ADAM33: variants seen among roughly 807,000 people sequenced by gnomAD.
ADAM33 encodes the protein ADAM metallopeptidase domain 33.
Under a neutral mutation model 106.2 loss-of-function variants are expected in ADAM33, and 103 were observed. That is an observed-to-expected ratio of 0.97 (90% CI 0.83 to 1.14). The LOEUF is 1.14. Ranked by LOEUF, ADAM33 falls within the 50% of genes most tolerant of loss-of-function variation. ADAM33 has a pLI of 0.00. For missense variants in ADAM33, 1,120 were observed against 1,096.6 expected, an observed-to-expected ratio of 1.02 and a Z score of -0.30; for synonymous variants, 483 against 453.0, an observed-to-expected ratio of 1.07 and a Z score of -0.84.
Position 3,668,741 on chromosome 20 carries a change from GA to G in ADAM33, c.*221del, listed in dbSNP as rs2087342131. The G allele has an allele frequency of 1.7e-6, 1 of 591,150 alleles. No homozygotes were observed. The highest frequency in any genetic ancestry group is 1.9e-5 in the African/African-American group (1 of 53,780). 36.6% of individuals were successfully genotyped at this position (591,150 alleles called of 1,614,324 possible). ...CTGGGACTGATGGTTTATTGAGCTG[GA>G]GAGTGTGCCCAGCAGTGTTCTCCAG... is the stretch of plus-strand genomic sequence containing the variant. On this transcript the variant is annotated 3_prime_UTR_variant, in exon 22 of 22. Coordinates refer to ENST00000356518, the MANE Select transcript of ADAM33 (RefSeq NM_025220.5).
rs147783607 is a variant in ADAM33, at chr20:3,669,610, G to A, written c.2268C>T (p.His756=). ...SGPKDGPHRD[H]PLGGVHPMEL... is the part of the protein sequence containing the mutation. ...CCATGGGGTGAACGCCGCCCAGGGG[G>A]TGGTCCCTGTGTGGGCCATCTTTGG... Residue 756 remains histidine (H), a synonymous_variant, in exon 20 of 22, where the codon CAC becomes CAT. Transcript: ENST00000356518. 6.3e-4 allele frequency: 1,004 copies of A among 1,603,056 alleles called. 1 individual carries two copies. Among genetic ancestry groups the A allele is most frequent in the South Asian group, 8.3e-4 (73 of 88,260 alleles).
chr20:3,672,625 T>G lies in ADAM33; in HGVS notation c.1313A>C (p.Glu438Ala). ...GEECDCGPGQ[E>A]CRDLCCFAHN... is the part of the protein sequence containing the mutation. ...AGCAAAGCAGCAGAGGTCGCGGCAC[T>G]CCTGGGACCAGAAAGGCAAGAAGGG... The change falls in exon 13 of 22, where the codon GAG (glutamate) becomes GCG (alanine). Residue 438 changes from glutamate to alanine, a missense_variant and splice_region_variant. Glu to Ala is a moderately radical substitution (Grantham distance 107). Coordinates refer to ENST00000356518, the MANE Select transcript of ADAM33 (RefSeq NM_025220.5). The G allele has an allele frequency of 6.2e-7, 1 of 1,613,308 alleles. No individual in the cohort carries two copies.
In ADAM33 at chr20:3,675,117, T is replaced by C. The variant is rs1278589101; in HGVS notation, c.255-12A>G. The C allele has an allele frequency of 6.2e-7, 1 of 1,601,420 alleles. No homozygotes were observed. The highest frequency in any genetic ancestry group is 8.5e-7 in the Non-Finnish European group (1 of 1,170,448). On this transcript the variant is annotated splice_polypyrimidine_tract_variant and intron_variant, in intron 3 of 21. Transcript: ENST00000356518. The surrounding 1 kb of genome is among the most constrained non-coding windows in gnomAD (Gnocchi z 4.1). ...GGGCCAGCAGCCTGCTGAGAGGGGG[T>C]GTTACAGGGAACACTGAATTCAGCT...
chr20:3,671,080 C>A lies in ADAM33; in HGVS notation c.2166G>T (p.Trp722Cys), dbSNP rs1342382886. ...GGGCTCCTGGGAGTCGGTAGCAACA[C>A]CAGGCCAGGCCGGCCCCTGGGAGCA... Reference protein sequence around the residue: ...LPLLPGAGLAWCCYRLPGAHL... With the variant: ...LPLLPGAGLACCCYRLPGAHL... The change falls in exon 19 of 22, where the codon TGG becomes TGT. Residue 722 changes from tryptophan (W) to cysteine (C), a missense_variant. Coordinates refer to ENST00000356518, the MANE Select transcript of ADAM33 (RefSeq NM_025220.5). 1.3e-6 allele frequency: 2 copies of A among 1,581,888 alleles called. No individual in the cohort carries two copies. Among genetic ancestry groups the A allele is most frequent in the Middle Eastern group, 1.8e-4 (1 of 5,626 alleles).
intron 21 of ADAM33, 66 bp from the exon 22 acceptor site, chr20:3,669,066 A>G (rs628965): frequency 0.64 from 995,292 of 1,556,760 alleles, 319,761 homozygotes; most frequent in South Asian, 0.74. Flanking sequence ...TGTGTGGCAG[A>G]GAGCCCATCC....
Position 3,674,650 on chromosome 20 carries a change from G to T in ADAM33, c.454C>A (p.Pro152Thr). The T allele has an allele frequency of 6.2e-7, 1 of 1,612,246 alleles. No individual in the cohort carries two copies. Among genetic ancestry groups the T allele is most frequent in the Non-Finnish European group, 8.5e-7 (1 of 1,179,434 alleles). The change falls in exon 6 of 22, where the codon CCC becomes ACC. Residue 152 changes from proline to threonine, a missense_variant. Physicochemically the swap from Pro to Thr is conservative, Grantham distance 38. Transcript: ENST00000356518. The part of the protein sequence containing the change: ...LSRNASYYLR[P>T]WPPRGSKDFS... ...TCCTTGGAGCCCCGGGGTGGCCAGG[G>T]ACGCAGATAATAGCTGGCATTCCTG...
rs1451986620 is a variant in ADAM33 at position 3,675,133 on chromosome 20, G to A, written c.255-28C>T. ...GAGAGGGGGTGTTACAGGGAACACT[G>A]AATTCAGCTTCCTCCTGCCTCCTCC... On this transcript the variant is annotated intron_variant, in intron 3 of 21. Transcript: ENST00000356518. This position sits in a 1 kb window ranked among gnomAD's most constrained non-coding sequence, Gnocchi z 4.1. 1 of 1,555,520 alleles carries A rather than the reference G, an allele frequency of 6.4e-7. No homozygotes were observed. Among genetic ancestry groups the A allele is most frequent in the South Asian group, 1.1e-5 (1 of 88,198 alleles).
At chr20:3,669,265 G>C in intron 21 of ADAM33, 34 bp downstream of exon 21, 1 of 1,549,112 alleles carries the variant, frequency 6.5e-7, no homozygotes, top group Non-Finnish European at 8.7e-7. Flanking sequence ...TGGGCGATGA[G>C]AGGGGGAGGC....
At position 3,675,180 on chromosome 20, in the gene ADAM33, C is replaced by G; in HGVS notation, c.255-75G>C. The G allele has an allele frequency of 1.7e-6, 2 of 1,164,350 alleles. No homozygotes were observed. Among genetic ancestry groups the G allele is most frequent in the Non-Finnish European group, 2.5e-6 (2 of 797,308 alleles). 72.1% of individuals were successfully genotyped at this position (1,164,350 alleles called of 1,614,324 possible). A position where few individuals can be genotyped will look rare whatever the true frequency, so the allele number is the denominator to read the frequency against. ...CTCCAGGATGTCTCCCAGCCTTCCTCCCTAAATGCTAATGGAGCAGCTTTA... is the reference window on the plus strand; with the variant it reads ...CTCCAGGATGTCTCCCAGCCTTCCTGCCTAAATGCTAATGGAGCAGCTTTA... On this transcript the variant is annotated intron_variant, in intron 3 of 21. Coordinates refer to ENST00000356518, the MANE Select transcript of ADAM33 (RefSeq NM_025220.5). This position sits in a 1 kb window ranked among gnomAD's most constrained non-coding sequence, Gnocchi z 4.1.
rs752258854 is a variant in ADAM33 at position 3,679,584 on chromosome 20, C to G, written c.98-13G>C. On this transcript the variant is annotated splice_polypyrimidine_tract_variant and intron_variant, in intron 1 of 21. Coordinates refer to ENST00000356518, the MANE Select transcript of ADAM33 (RefSeq NM_025220.5). ...CCAGGGATATGTCCTGGAGTAAAGACAGAGCACAGGGTGAGGGGGACCTGA... is the reference window on the plus strand; with the variant it reads ...CCAGGGATATGTCCTGGAGTAAAGAGAGAGCACAGGGTGAGGGGGACCTGA... The G allele has an allele frequency of 3.7e-6, 6 of 1,601,502 alleles. No individual in the cohort carries two copies. The South Asian group carries it at 5.6e-5, about 15-fold the overall frequency.
intron 11 of ADAM33, 112 bp downstream of exon 11, chr20:3,673,242 T>A: frequency 6.5e-7 from 1 of 1,533,878 alleles, no homozygotes; most frequent in Middle Eastern, 1.7e-4. Flanking sequence ...GACACTATGA[T>A]CATTATCCCC....
Position 3,669,633 on chromosome 20 carries a change from T to G in ADAM33, c.2245A>C (p.Lys749Gln). ...CRRDPACSGPKDGPHRDHPLG... is the reference protein window; with the variant it reads ...CRRDPACSGPQDGPHRDHPLG... ...GGGTGGTCCCTGTGTGGGCCATCTT[T>G]GGGGCTGAGCAACGTGATAAGAGTC... The change falls in exon 20 of 22, where the codon AAA becomes CAA. Residue 749 changes from lysine (K) to glutamine (Q), a missense_variant. Coordinates refer to ENST00000356518, the MANE Select transcript of ADAM33 (RefSeq NM_025220.5). The G allele has an allele frequency of 6.2e-7, 1 of 1,600,790 alleles. No individual in the cohort carries two copies. The highest frequency in any genetic ancestry group is 8.5e-7 in the Non-Finnish European group (1 of 1,174,672).
chr20:3,673,887 C>T lies in ADAM33; in HGVS notation c.763G>A (p.Val255Met), dbSNP rs1424000424. 2.6e-6 allele frequency: 4 copies of T among 1,563,374 alleles called. No homozygotes were observed. The highest frequency in any genetic ancestry group is 2.7e-5 in the African/African-American group (2 of 73,698). Residue 255 changes from valine to methionine, a missense_variant, in exon 9 of 22, where the codon GTG becomes ATG. Val to Met is a conservative substitution (Grantham distance 21). Coordinates refer to ENST00000356518, the MANE Select transcript of ADAM33 (RefSeq NM_025220.5). The stretch of plus-strand genomic sequence containing the variant: ...CACACCTCCAGGCCGGTCAGCGCCA[C>T]CTGAATGTCCAGAGTCCTGAGAAGC... Reference protein sequence around the residue: ...DQLLRTLDIQVALTGLEVWTE... With the variant: ...DQLLRTLDIQMALTGLEVWTE...
rs771638960 is a variant in ADAM33, at chr20:3,674,512, G to A, written c.592C>T (p.Gln198Ter). The A allele has an allele frequency of 6.2e-7, 1 of 1,613,260 alleles. No homozygotes were observed. The highest frequency in any genetic ancestry group is 1.1e-5 in the South Asian group (1 of 91,034). The change falls in exon 6 of 22, where the codon CAG (glutamine) becomes TAG (stop). Residue 198 changes from glutamine to a stop codon, truncating the protein, a stop_gained. Coordinates refer to ENST00000356518, the MANE Select transcript of ADAM33 (RefSeq NM_025220.5). LOFTEE classifies it high-confidence loss of function. ...AGMTSLPGGP[Q>*]SRGRREARRT... ...CGATCGATGCCCCTGACCCTGCTCT[G>A]GGGACCACCAGGAAGGCTGGTCATG...
In ADAM33 at chr20:3,674,049, C is replaced by T. The variant is rs768652364; in HGVS notation, c.738+15G>A. ...CCGCCACCCCCATCACCGCTCTCTCCCCGCCGCCCCCAACCTGGTCCACGT... is the reference window on the plus strand; with the variant it reads ...CCGCCACCCCCATCACCGCTCTCTCTCCGCCGCCCCCAACCTGGTCCACGT... On this transcript the variant is annotated intron_variant, in intron 8 of 21. Coordinates refer to ENST00000356518, the MANE Select transcript of ADAM33 (RefSeq NM_025220.5). 1.2e-6 allele frequency: 2 copies of T among 1,613,968 alleles called. No homozygotes were observed. The highest frequency in any genetic ancestry group is 1.1e-5 in the South Asian group (1 of 91,076).
intron 19 of ADAM33, 131 bp downstream of exon 19, chr20:3,670,875 C>A: frequency 7.5e-7 from 1 of 1,324,860 alleles, no homozygotes; most frequent in South Asian, 1.6e-5. Flanking sequence ...TACTTCTTTC[C>A]ATGGCCTCTG....
intron 1 of ADAM33, 132 bp downstream of exon 1, chr20:3,681,776 G>C (rs2088520352): frequency 4.5e-6 from 6 of 1,340,586 alleles, no homozygotes; most frequent in Admixed American, 3.2e-5. Flanking sequence ...CCCACGCCCT[G>C]ACCTACTGGC....
chr20:3,672,782 G>T lies in ADAM33; in HGVS notation c.1250C>A (p.Pro417Gln). ...NAPDPGLPVPPALCGNGFVEA... is the reference protein window; with the variant it reads ...NAPDPGLPVPQALCGNGFVEA... ...CACGAAGCCGTTCCCGCAGAGCGCC[G>T]GCGGCACCGGGAGTCCGGGGTCCGG... Residue 417 changes from proline (P) to glutamine (Q), a missense_variant, in exon 12 of 22, where the codon CCG becomes CAG. Pro to Gln is a moderately conservative substitution (Grantham distance 76). Transcript: ENST00000356518. 2 of 1,570,690 alleles carry T rather than the reference G, an allele frequency of 1.3e-6. No homozygotes were observed. Among genetic ancestry groups the T allele is most frequent in the Non-Finnish European group, 1.7e-6 (2 of 1,158,298 alleles).
rs749152650 is a variant in ADAM33, at chr20:3,671,569, G to C, written c.1905+12C>G. 1.9e-6 allele frequency: 3 copies of C among 1,603,936 alleles called. No homozygotes were observed. The East Asian group carries it at 6.8e-5, about 36-fold the overall frequency. ...TCAAACGGCAAGGAGGGGTCGGGTG[G>C]GCAGAGCTCACCATTCTAGGTCCAC... On this transcript the variant is annotated intron_variant, in intron 16 of 21. Transcript: ENST00000356518.
Sources: allele counts gnomAD v4.1 joint callset, GRCh38; gene constraint gnomAD v4.1.1; non-coding constraint Gnocchi (gnomAD v3.1); transcripts MANE v1.5; gene names NCBI Gene and HGNC (gene_info 2026-07-23, HGNC 2026-07-21).